The following ENOX1 variants were observed in gnomAD, a reference collection of about 807,000 sequenced individuals.
The protein encoded by ENOX1 is candidate growth-related and time keeping constitutive hydroquinone (NADH) oxidase.
Under a neutral mutation model 82.5 loss-of-function variants are expected in ENOX1, and 42 were observed. The observed-to-expected ratio is 0.51, with a 90% CI of 0.40 to 0.66. The LOEUF (loss-of-function observed/expected upper bound fraction) is 0.66. Among genes scored for constraint, ENOX1 ranks in the 30% least tolerant of loss-of-function variants. The pLI, the probability that ENOX1 is intolerant of heterozygous loss-of-function variation, is 0.00. For missense variants in ENOX1, 608 were observed against 811.6 expected, an observed-to-expected ratio of 0.75 and a Z score of 3.05; for synonymous variants, 271 against 282.2, an observed-to-expected ratio of 0.96 and a Z score of 0.40.
chr13:43,502,791 A>T (rs1028508710), intron 2 of ENOX1, among the ~76,000 whole-genome samples: 2 of 151,566 alleles, frequency 1.3e-5, no homozygotes, highest in African/African-American at 2.4e-5. Flanking sequence ...TGAATCCAGA[A>T]CAAGTAAGGA....
rs1415381590 is a variant in ENOX1 at position 43,786,465 on chromosome 13, G to T, written c.-285+187C>A. 2.6e-5 allele frequency among the ~76,000 whole-genome samples: 4 copies of T among 151,758 alleles called. No homozygotes were observed. The highest frequency in any genetic ancestry group is 9.7e-5 in the African/African-American group (4 of 41,360). ...GGGCACGGCGGGGAAGGGCGTGGGG[G>T]CTGCACCGAAGCCCCCACGCGTCCA... On this transcript the variant is annotated intron_variant, in intron 1 of 16. Coordinates refer to ENST00000690772, the MANE Select transcript of ENOX1 (RefSeq NM_001347969.2). This position sits in a 1 kb window ranked among gnomAD's most constrained non-coding sequence, Gnocchi z 6.0.
rs2043182537 is a variant in ENOX1 at position 43,247,854 on chromosome 13, T to C, written c.1612-11116A>G. Among the ~76,000 whole-genome samples, 13 of 4,668 alleles carry C rather than the reference T, an allele frequency of 2.8e-3. 2 individuals are homozygous for C. Among genetic ancestry groups the C allele is most frequent in the African/African-American group, 5.2e-3 (13 of 2,502 alleles). 3.1% of individuals were successfully genotyped at this position (4,668 alleles called of 152,430 possible). ...ATATATATATATATATATATATATA[T>C]ATATATATATATATATATATATATA... is the stretch of plus-strand genomic sequence containing the variant. On this transcript the variant is annotated intron_variant, in intron 14 of 16. Transcript: ENST00000690772.
At position 43,241,873 on chromosome 13, in the gene ENOX1, C is replaced by T. The variant is rs78170836; in HGVS notation, c.1612-5135G>A. 4.5e-4 allele frequency among the ~76,000 whole-genome samples: 68 copies of T among 152,250 alleles called. 1 individual carries two copies. The highest frequency in any genetic ancestry group is 1.6e-3 in the African/African-American group (66 of 41,558). ...ATTTAGAGGAGCTCTTTTTCAATAG[C>T]TTATTGAGCTAGAATCATGCTTTGT... On this transcript the variant is annotated intron_variant, in intron 14 of 16. Coordinates refer to ENST00000690772, the MANE Select transcript of ENOX1 (RefSeq NM_001347969.2).
At position 43,226,144 on chromosome 13, in the gene ENOX1, T is replaced by C. The variant is rs186816476; in HGVS notation, c.1715-2006A>G. On this transcript the variant is annotated intron_variant, in intron 15 of 16. Transcript: ENST00000690772. ...CTGTAACTGAAATTCTCAATTCTGGTGAAGTGGCATTCTAAGTAATTCTAT... is the reference window on the plus strand; with the variant it reads ...CTGTAACTGAAATTCTCAATTCTGGCGAAGTGGCATTCTAAGTAATTCTAT... Among the ~76,000 whole-genome samples, 6 of 152,314 alleles carry C rather than the reference T, an allele frequency of 3.9e-5. 1 individual carries two copies. Among genetic ancestry groups the C allele is most frequent in the African/African-American group, 1.4e-4 (6 of 41,576 alleles).
intron 1 of ENOX1, among the ~76,000 whole-genome samples, chr13:43,767,039 A>T (rs1255689981): frequency 1.3e-5 from 2 of 152,192 alleles, no homozygotes; most frequent in African/African-American, 4.8e-5. Context: ...CACTTCACCA[A>T]CACAGAGCAC....
chr13:43,445,210 A>G (rs1481312101), intron 3 of ENOX1, among the ~76,000 whole-genome samples: 14 of 143,436 alleles, frequency 9.8e-5, no homozygotes, highest in African/African-American at 1.8e-4. Flanking sequence ...TGCAAGCTCC[A>G]CCTCCTGGGT....
intron 1 of ENOX1, among the ~76,000 whole-genome samples, chr13:43,769,261 T>G (rs1485764574): frequency 2.0e-5 from 3 of 152,072 alleles, no homozygotes; most frequent in African/African-American, 7.2e-5. Context: ...CTAAATGCCC[T>G]CTCCTTCACA....
intron 12 of ENOX1, among the ~76,000 whole-genome samples, chr13:43,285,939 A>C (rs1014953915): frequency 1.3e-5 from 2 of 148,388 alleles, no homozygotes; most frequent in African/African-American, 4.9e-5. Context: ...ATTTCTGATG[A>C]GAAGGAAATT....
At chr13:43,447,264 T>C (rs1370076282) in intron 3 of ENOX1, among the ~76,000 whole-genome samples, 1 of 152,226 alleles carries the variant, frequency 6.6e-6, no homozygotes, top group East Asian at 1.9e-4. Flanking sequence ...ATAGTAGGCT[T>C]GATAAATATT....
chr13:43,679,267 T>A (rs1406757576), intron 1 of ENOX1, among the ~76,000 whole-genome samples: 3 of 152,176 alleles, frequency 2.0e-5, no homozygotes, highest in Non-Finnish European at 2.9e-5. Flanking sequence ...TATGCCATGA[T>A]CATTTCTTCC....
intron 1 of ENOX1, among the ~76,000 whole-genome samples, chr13:43,684,366 A>G (rs1292616369): frequency 6.6e-6 from 1 of 152,310 alleles, no homozygotes; most frequent in Non-Finnish European, 1.5e-5. Context: ...TCACTCAGCT[A>G]TATTTGATGG....
chr13:43,534,518 C>T (rs2078370057), intron 2 of ENOX1, among the ~76,000 whole-genome samples: 1 of 152,134 alleles, frequency 6.6e-6, no homozygotes, highest in Non-Finnish European at 1.5e-5. Flanking sequence ...AGGGTAAAGA[C>T]AATAATGCTA....
intron 1 of ENOX1, among the ~76,000 whole-genome samples, chr13:43,785,552 A>C (rs1566925348): frequency 6.6e-6 from 1 of 152,228 alleles, no homozygotes; most frequent in Admixed American, 6.5e-5. Flanking sequence ...GGGATTACAA[A>C]GCCAGTTTTT....
At chr13:43,410,228 G>A (rs1261934364) in intron 5 of ENOX1, among the ~76,000 whole-genome samples, 2 of 152,190 alleles carry the variant, frequency 1.3e-5, no homozygotes, top group African/African-American at 4.8e-5. Flanking sequence ...ACGAGAGTAA[G>A]TAACTTCTGC....
At chr13:43,317,150 G>A (rs1409479437) in intron 11 of ENOX1, among the ~76,000 whole-genome samples, 4 of 152,246 alleles carry the variant, frequency 2.6e-5, no homozygotes, top group Admixed American at 6.5e-5. Context: ...TGTGGCCTCA[G>A]ACTGAGCCAT....
At chr13:43,638,732 G>C (rs976560696) in intron 2 of ENOX1, among the ~76,000 whole-genome samples, 1 of 152,072 alleles carries the variant, frequency 6.6e-6, no homozygotes, top group Non-Finnish European at 1.5e-5. Flanking sequence ...TGAGTGGTGG[G>C]GGGCAGTGCA....
intron 3 of ENOX1, among the ~76,000 whole-genome samples, chr13:43,439,922 T>C (rs1215504405): frequency 6.6e-6 from 1 of 152,214 alleles, no homozygotes; most frequent in African/African-American, 2.4e-5. Context: ...GAGTGTATTA[T>C]AGATTCAGAA....
At chr13:43,331,124 T>C (rs939011068) in intron 9 of ENOX1, among the ~76,000 whole-genome samples, 3 of 152,148 alleles carry the variant, frequency 2.0e-5, no homozygotes, top group Non-Finnish European at 2.9e-5. Context: ...AGCCACTGGG[T>C]GCAAAAGCTC....
intron 2 of ENOX1, chr13:43,544,723 A>C (rs1017906735): frequency 6.6e-6 from 1 of 152,174 alleles, no homozygotes; most frequent in African/African-American, 2.4e-5. Flanking sequence ...CCAACTACAA[A>C]GAGAACAAAA....
Sources: gnomAD v4.1 joint callset for allele counts (sites outside exome capture counted in the v4.1 genomes callset) on GRCh38, gnomAD v4.1.1 for gene constraint, Gnocchi (gnomAD v3.1) non-coding constraint, MANE v1.5 for transcripts, NCBI Gene and HGNC (gene_info 2026-07-23, HGNC 2026-07-21) for gene names.